Variants in ACVR1 observed in about 807,000 individuals in gnomAD.
ACVR1 encodes the protein activin receptor type-1.
Under a neutral mutation model 57.1 loss-of-function variants are expected in ACVR1, and 38 were observed. The observed-to-expected ratio is 0.67, with a 90% CI of 0.51 to 0.87. The LOEUF (loss-of-function observed/expected upper bound fraction) is 0.87. ACVR1 is among the 40% of genes least tolerant of loss of function. The pLI is 0.00. For synonymous variants in ACVR1, 212 were observed against 228.1 expected, an observed-to-expected ratio of 0.93 and a Z score of 0.63; for missense variants, 463 against 638.2, an observed-to-expected ratio of 0.73 and a Z score of 2.96.
At chr2:157,825,918 T>C (rs956188605) in intron 1 of ACVR1, among the ~76,000 whole-genome samples, 1 of 152,200 alleles carries the variant, frequency 6.6e-6, no homozygotes, top group Admixed American at 6.5e-5. Context: ...ACTTCTCTGG[T>C]AATTAGATCG....
chr2:157,798,581 G>A (rs921946477), intron 3 of ACVR1, among the ~76,000 whole-genome samples: 2 of 151,938 alleles, frequency 1.3e-5, no homozygotes, highest in African/African-American at 2.4e-5. Flanking sequence ...AGGCTGGAGT[G>A]CAGTGGTGTG....
chr2:157,794,204 ATAG>A (rs10534633), intron 3 of ACVR1, among the ~76,000 whole-genome samples: 1,651 of 152,346 alleles, frequency 0.011, 129 homozygotes, highest in Admixed American at 0.099. Flanking sequence ...TGGTGGTATA[ATAG>A]TAGTATTAGA....
At chr2:157,799,627 T>A in intron 2 of ACVR1, 127 bp from the exon 3 acceptor site, 1 of 701,976 alleles carries the variant, frequency 1.4e-6, no homozygotes, top group Non-Finnish European at 2.6e-6. Flanking sequence ...ATATATTGCC[T>A]TACTTCTTAC....
intron 10 of ACVR1, 100 bp downstream of exon 10, chr2:157,738,340 C>G (rs142620139): frequency 3.5e-5 from 54 of 1,548,902 alleles, no homozygotes; most frequent in African/African-American, 1.8e-4. Flanking sequence ...AACAGATCCA[C>G]GGGACAGATC....
At chr2:157,770,851 A>G (rs1686047268) in intron 6 of ACVR1, among the ~76,000 whole-genome samples, 1 of 152,224 alleles carries the variant, frequency 6.6e-6, no homozygotes, top group Non-Finnish European at 1.5e-5. Context: ...CTTTTAAAAC[A>G]CATGAAAGTA....
intron 1 of ACVR1, among the ~76,000 whole-genome samples, chr2:157,847,507 GT>G (rs1689161458): frequency 6.6e-6 from 1 of 152,144 alleles, no homozygotes. Flanking sequence ...TTTAAGGAAT[GT>G]TTTAAATTTT....
chr2:157,757,234 G>A (rs766189921), intron 9 of ACVR1, among the ~76,000 whole-genome samples: 2 of 151,294 alleles, frequency 1.3e-5, no homozygotes, highest in African/African-American at 2.4e-5. Context: ...CAAAGCCTAC[G>A]TGATATATGG....
intron 9 of ACVR1, among the ~76,000 whole-genome samples, chr2:157,753,399 G>C (rs1291162038): frequency 6.6e-6 from 1 of 152,040 alleles, no homozygotes; most frequent in Non-Finnish European, 1.5e-5. Flanking sequence ...GTGGTGGTGG[G>C]TGCCTATAAT....
intron 9 of ACVR1, among the ~76,000 whole-genome samples, chr2:157,749,825 C>T (rs938451767): frequency 1.3e-5 from 2 of 152,136 alleles, no homozygotes; most frequent in Non-Finnish European, 2.9e-5. Context: ...AGCACAATTT[C>T]GAAGGGTCTA....
At chr2:157,855,277 T>C (rs1268620761) in intron 1 of ACVR1, among the ~76,000 whole-genome samples, 2 of 44,168 alleles carry the variant, frequency 4.5e-5, no homozygotes, top group East Asian at 3.4e-3. Flanking sequence ...AAAGTGTGTG[T>C]GTGTGTGTGT....
chr2:157,854,936 G>A (rs1202057445), intron 1 of ACVR1, among the ~76,000 whole-genome samples: 3 of 151,382 alleles, frequency 2.0e-5, no homozygotes, highest in Non-Finnish European at 4.4e-5. Context: ...CTACTCAGGA[G>A]GCTGAGGCAG....
intron 1 of ACVR1, among the ~76,000 whole-genome samples, chr2:157,862,422 T>TACATACACACACAC (rs1689753083): frequency 7.0e-6 from 1 of 143,654 alleles, no homozygotes; most frequent in East Asian, 2.1e-4. Flanking sequence ...CATATACACA[T>TACATACACACACAC]ACACACACAC....
intron 6 of ACVR1, among the ~76,000 whole-genome samples, chr2:157,770,926 T>A (rs1210087063): frequency 6.6e-6 from 1 of 152,208 alleles, no homozygotes; most frequent in African/African-American, 2.4e-5. Context: ...AAAGTGTACA[T>A]CAGTAAACTG....
intron 3 of ACVR1, among the ~76,000 whole-genome samples, chr2:157,783,097 G>A (rs947253029): frequency 6.6e-6 from 1 of 152,170 alleles, no homozygotes; most frequent in Non-Finnish European, 1.5e-5. Context: ...CTCATCATTG[G>A]TCCTAAATGG....
chr2:157,857,194 A>C (rs1240734267), intron 1 of ACVR1, among the ~76,000 whole-genome samples: 1 of 152,030 alleles, frequency 6.6e-6, no homozygotes, highest in Non-Finnish European at 1.5e-5. Flanking sequence ...TAAGACCCTG[A>C]CTCAAAGAAA....
At chr2:157,757,405 C>T (rs144358932) in intron 9 of ACVR1, among the ~76,000 whole-genome samples, 1 of 151,800 alleles carries the variant, frequency 6.6e-6, no homozygotes, top group East Asian at 1.9e-4. Context: ...CTCAAAGATC[C>T]CCAAAAAGAT....
intron 3 of ACVR1, among the ~76,000 whole-genome samples, chr2:157,792,273 C>T (rs1686944913): frequency 6.6e-6 from 1 of 152,134 alleles, no homozygotes; most frequent in Non-Finnish European, 1.5e-5. Context: ...ATGTTCTGTT[C>T]TAGCCCGTAA....
intron 6 of ACVR1, among the ~76,000 whole-genome samples, chr2:157,771,047 G>A (rs1686053911): frequency 6.6e-6 from 1 of 152,192 alleles, no homozygotes; most frequent in African/African-American, 2.4e-5. Flanking sequence ...AGTTTAAAAT[G>A]TGTGTTCTAA....
chr2:157,777,267 AAT>A (rs1686325863), intron 5 of ACVR1, among the ~76,000 whole-genome samples: 1 of 152,212 alleles, frequency 6.6e-6, no homozygotes, highest in African/African-American at 2.4e-5. Flanking sequence ...GTATAAATAC[AAT>A]AGTTTCTAAC....
Sources: gnomAD v4.1 joint callset for allele counts (sites outside exome capture counted in the v4.1 genomes callset) on GRCh38, gnomAD v4.1.1 for gene constraint, MANE v1.5 for transcripts, NCBI Gene and HGNC (gene_info 2026-07-23, HGNC 2026-07-21) for gene names.